Variants in PTPN5 observed in about 807,000 individuals in gnomAD.
PTPN5 encodes protein tyrosine phosphatase non-receptor type 5.
A neutral mutation model predicts 73.9 loss-of-function variants in PTPN5; 29 were observed. The observed-to-expected ratio is 0.39, with a 90% CI of 0.29 to 0.54. The LOEUF (loss-of-function observed/expected upper bound fraction) is 0.54, where lower values mean the gene tolerates loss of function less well. PTPN5 is among the 20% of genes least tolerant of loss of function. PTPN5 has a pLI of 0.65. For synonymous variants in PTPN5, 267 were observed against 304.7 expected (o/e 0.88, Z 1.29); for missense variants, 652 against 751.4 (o/e 0.87, Z 1.55).
In PTPN5 at chr11:18,743,434, G is replaced by A. The variant is rs1421957763; in HGVS notation, c.292-5C>T. On this transcript the variant is annotated splice_region_variant and splice_polypyrimidine_tract_variant and intron_variant, in intron 4 of 14. Transcript: ENST00000358540. The stretch of plus-strand genomic sequence containing the variant: ...CCAGAGCACCCCACAGGCAAGCTGG[G>A]GCACAGGGGAGCAGGCTGAGTATGG... The A allele has an allele frequency of 5.6e-6, 9 of 1,613,520 alleles. No individual in the cohort carries two copies. The Admixed American group carries it at 8.3e-5, about 15-fold the overall frequency.
intron 4 of PTPN5, 25 bp downstream of exon 4, chr11:18,743,981 C>G (rs1054851816): frequency 6.4e-7 from 1 of 1,569,408 alleles, no homozygotes; most frequent in African/African-American, 1.4e-5. Context: ...TCTCCAGACC[C>G]TTGTGAGGCC....
At chr11:18,783,107 T>C (rs1851516639) in intron 1 of PTPN5, among the ~76,000 whole-genome samples, 2 of 152,244 alleles carry the variant, frequency 1.3e-5, no homozygotes, top group Admixed American at 1.3e-4. Flanking sequence ...ACTGGCCTGA[T>C]GCTGCCCCGA....
chr11:18,786,929 A>G (rs1282471202), intron 1 of PTPN5, among the ~76,000 whole-genome samples: 1 of 152,218 alleles, frequency 6.6e-6, no homozygotes, highest in African/African-American at 2.4e-5. Context: ...TGTGTTAGAG[A>G]TGAGTTTCCT....
In PTPN5 at chr11:18,791,670, C is replaced by CTGCGTGTGCGGGGGCG. The variant is rs1237749816; in HGVS notation, c.-275_-260dup. 1 of 152,190 alleles carries CTGCGTGTGCGGGGGCG rather than the reference C, an allele frequency of 6.6e-6. No individual in the cohort carries two copies. The highest frequency in any genetic ancestry group is 1.5e-5 in the Non-Finnish European group (1 of 68,180). The allele number at this position is 152,190 out of a possible 1,614,324, so 9.4% of individuals were successfully genotyped here. On this transcript the variant is annotated 5_prime_UTR_variant, in exon 1 of 15. Coordinates refer to ENST00000358540, the MANE Select transcript of PTPN5 (RefSeq NM_006906.2). ...GGGGGCCGCGCCGAGCTCTGTGCGTCTGCGTGTGCGGGGGCGTCCGTCCTT... is the reference window on the plus strand; with the variant it reads ...GGGGGCCGCGCCGAGCTCTGTGCGTCTGCGTGTGCGGGGGCGTGCGTGTGCGGGGGCGTCCGTCCTT...
intron 1 of PTPN5, among the ~76,000 whole-genome samples, chr11:18,781,950 G>A (rs557274041): frequency 6.6e-6 from 1 of 152,302 alleles, no homozygotes; most frequent in Admixed American, 6.5e-5. Context: ...TCCAGGCAGG[G>A]AACACTGCAG....
chr11:18,759,123 C>G (rs983296700), intron 3 of PTPN5, among the ~76,000 whole-genome samples: 1 of 152,138 alleles, frequency 6.6e-6, no homozygotes, highest in Admixed American at 6.5e-5. Context: ...TGGCCTGGAC[C>G]TGACGCCCGA....
chr11:18,783,405 G>C (rs540613134), intron 1 of PTPN5, among the ~76,000 whole-genome samples: 1 of 152,192 alleles, frequency 6.6e-6, no homozygotes, highest in East Asian at 1.9e-4. Context: ...GCTGACTTGC[G>C]TGAAAATACT....
At chr11:18,749,371 AG>A in intron 3 of PTPN5, 1 of 518,614 alleles carries the variant, frequency 1.9e-6, no homozygotes, top group Non-Finnish European at 3.8e-6. Flanking sequence ...TGCAGACCTG[AG>A]ATTCAAACCC....
At chr11:18,774,403 A>T (rs892297111) in intron 1 of PTPN5, among the ~76,000 whole-genome samples, 1 of 152,230 alleles carries the variant, frequency 6.6e-6, no homozygotes, top group African/African-American at 2.4e-5. Context: ...TCCCAGGACC[A>T]TGTGCCCTCC....
rs779821817 is a variant in PTPN5 at position 18,729,818 on chromosome 11, T to G, written c.1330A>C (p.Ser444Arg). 1.2e-6 allele frequency: 2 copies of G among 1,614,052 alleles called. No homozygotes were observed. The highest frequency in any genetic ancestry group is 1.7e-6 in the Non-Finnish European group (2 of 1,179,994). ...DYRLRLISLKSGTEERGLKHY... is the reference protein window; with the variant it reads ...DYRLRLISLKRGTEERGLKHY... ...TTCAGGCCTCGCTCCTCAGTCCCAC[T>G]CTGTCGAGGAGACAGAGGCCCACCC... The change falls in exon 13 of 15, where the codon AGT becomes CGT. Residue 444 changes from serine (S) to arginine (R), a missense_variant and splice_region_variant. Transcript: ENST00000358540. This position sits in a 1 kb window ranked among gnomAD's most constrained non-coding sequence, Gnocchi z 5.2.
Position 18,742,135 on chromosome 11 carries a change from A to G in PTPN5, c.725+127T>C. The stretch of plus-strand genomic sequence containing the variant: ...TGAATGACCTGGATAGCACATGTCT[A>G]CACTGGCTAAGCTATAAGGCCAGCT... On this transcript the variant is annotated intron_variant, in intron 7 of 14. Coordinates refer to ENST00000358540, the MANE Select transcript of PTPN5 (RefSeq NM_006906.2). The surrounding 1 kb of genome is among the most constrained non-coding windows in gnomAD (Gnocchi z 4.1). 7.6e-7 allele frequency: 1 copy of G among 1,322,044 alleles called. No individual in the cohort carries two copies. The highest frequency in any genetic ancestry group is 1.0e-6 in the Non-Finnish European group (1 of 953,320). 81.9% of individuals were successfully genotyped at this position (1,322,044 alleles called of 1,614,324 possible).
At position 18,763,603 on chromosome 11, in the gene PTPN5, C is replaced by T. The variant is rs1018106100; in HGVS notation, c.97+2204G>A. On this transcript the variant is annotated intron_variant, in intron 3 of 14. Transcript: ENST00000358540. ...GCTTATTACTGCAGCCTCTCTGCTGCGGCTTCATCCCATTTTGCAGAAGCA... is the reference window on the plus strand; with the variant it reads ...GCTTATTACTGCAGCCTCTCTGCTGTGGCTTCATCCCATTTTGCAGAAGCA... Among the ~76,000 whole-genome samples the T allele has an allele frequency of 6.6e-5, 10 of 152,340 alleles. No individual in the cohort carries two copies. The East Asian group carries it at 1.3e-3, about 21-fold the overall frequency.
intron 9 of PTPN5, among the ~76,000 whole-genome samples, chr11:18,735,406 T>C (rs1379589060): frequency 1.3e-5 from 2 of 152,068 alleles, no homozygotes; most frequent in Admixed American, 6.5e-5. Context: ...CCCTTCTCCT[T>C]GTCTGCAGGC....
intron 2 of PTPN5, among the ~76,000 whole-genome samples, chr11:18,770,605 A>G (rs1850840500): frequency 6.6e-6 from 1 of 152,194 alleles, no homozygotes. Context: ...CCTGTGAACC[A>G]AACTGCTCTG....
intron 1 of PTPN5, among the ~76,000 whole-genome samples, chr11:18,777,626 T>C (rs138645431): frequency 0.014 from 2,182 of 152,048 alleles, 46 homozygotes; most frequent in African/African-American, 0.05. Flanking sequence ...ATGAAGTAAA[T>C]GAGATTATTA....
intron 2 of PTPN5, among the ~76,000 whole-genome samples, chr11:18,768,721 T>C (rs955402127): frequency 2.0e-5 from 3 of 152,214 alleles, no homozygotes; most frequent in Non-Finnish European, 4.4e-5. Context: ...GAGCCTCTGC[T>C]GCTCTTCCCT....
At chr11:18,776,294 C>T (rs1851152174) in intron 1 of PTPN5, among the ~76,000 whole-genome samples, 1 of 152,090 alleles carries the variant, frequency 6.6e-6, no homozygotes, top group Non-Finnish European at 1.5e-5. Flanking sequence ...TGGAAAGCCC[C>T]CTTTTCCCTT....
chr11:18,733,621 C>A lies in PTPN5; in HGVS notation c.1015G>T (p.Val339Leu). The change falls in exon 10 of 15, where the codon GTG (valine) becomes TTG (leucine). Residue 339 changes from valine to leucine, a missense_variant. Around this residue, in one of 3 missense-constraint regions of PTPN5, gnomAD observed 529 missense variants for 573.9 expected, o/e 0.92. Transcript: ENST00000358540. This position sits in a 1 kb window ranked among gnomAD's most constrained non-coding sequence, Gnocchi z 4.3. ...KTILPNPHSR[V>L]CLTSPDPDDP... ...TCAGGGTCTGGTGAGGTCAGACACA[C>A]TCTGCTGTGAGGGTCTGGGGTGGTG... 1.2e-6 allele frequency: 2 copies of A among 1,614,216 alleles called. No individual in the cohort carries two copies. The highest frequency in any genetic ancestry group is 2.2e-5 in the South Asian group (2 of 91,084).
chr11:18,739,281 G>C (rs1348284883), intron 8 of PTPN5, among the ~76,000 whole-genome samples: 1 of 152,228 alleles, frequency 6.6e-6, no homozygotes, highest in East Asian at 1.9e-4. Flanking sequence ...GACAGGAAAT[G>C]AGGTAGAGGA....
Sources: gnomAD v4.1 joint callset for allele counts (sites outside exome capture counted in the v4.1 genomes callset) on GRCh38, gnomAD v4.1.1 for gene constraint, gnomAD v4.1.1 regional missense constraint, Gnocchi (gnomAD v3.1) non-coding constraint, MANE v1.5 for transcripts, NCBI Gene and HGNC (gene_info 2026-07-23, HGNC 2026-07-21) for gene names.